OCM: variants seen among roughly 807,000 people sequenced by gnomAD.
OCM encodes the protein oncomodulin-1.
OCM carries 18 observed loss-of-function variants against 14.1 expected under a neutral mutation model. The ratio of observed to expected loss-of-function variants is 1.28; its 90% confidence interval spans 0.88 to 1.89. OCM has a LOEUF of 1.89. Among genes scored for constraint, OCM ranks in the 40% most tolerant of loss-of-function variants. OCM has a pLI of 0.00. For missense variants in OCM, 140 were observed against 137.6 expected (o/e 1.02, Z -0.09); for synonymous variants, 48 against 51.0 (o/e 0.94, Z 0.25).
the OCM span, among the ~76,000 whole-genome samples, chr7:5,866,776 C>G: frequency 3.3e-5 from 5 of 152,044 alleles, no homozygotes; most frequent in Admixed American, 2.0e-4. Context: ...TAAATTTCCC[C>G]TCCCTGTCTA....
At chr7:5,884,332 G>A (rs1269698217) in intron 3 of OCM, among the ~76,000 whole-genome samples, 1 of 152,130 alleles carries the variant, frequency 6.6e-6, no homozygotes, top group African/African-American at 2.4e-5. Flanking sequence ...AAAGCGCGAG[G>A]TATTTCTACC....
upstream of OCM, chr7:5,880,699 C>A (rs1010843318): frequency 2.9e-5 from 15 of 517,720 alleles, no homozygotes; most frequent in Non-Finnish European, 4.8e-5. Context: ...GCGGAGGTTG[C>A]GGTGAGCCGA....
the OCM span, among the ~76,000 whole-genome samples, chr7:5,874,059 T>TAA: frequency 4.4e-4 from 58 of 131,878 alleles, no homozygotes; most frequent in South Asian, 1.8e-3. Context: ...CTACTAAAAA[T>TAA]AAAAAAAAAA....
intron 3 of OCM, among the ~76,000 whole-genome samples, chr7:5,884,866 T>C (rs1381532096): frequency 6.6e-6 from 1 of 152,134 alleles, no homozygotes; most frequent in Admixed American, 6.6e-5. Context: ...AGGCCTATAA[T>C]CCCAGCAATT....
chr7:5,860,475 G>T, the OCM span, among the ~76,000 whole-genome samples: 1 of 35,566 alleles, frequency 2.8e-5, no homozygotes, highest in Non-Finnish European at 4.4e-5. Flanking sequence ...GTATATATAC[G>T]TGTATATATA....
At chr7:5,865,272 C>G in the OCM span, among the ~76,000 whole-genome samples, 1 of 152,284 alleles carries the variant, frequency 6.6e-6, no homozygotes, top group Admixed American at 6.5e-5. Context: ...TATTAAGCGC[C>G]TGGGTGTGGT....
chr7:5,862,620 A>G, the OCM span, among the ~76,000 whole-genome samples: 1 of 152,246 alleles, frequency 6.6e-6, no homozygotes, highest in African/African-American at 2.4e-5. Context: ...TATGTTATGT[A>G]AAATGCAGAT....
At chr7:5,863,647 A>G in the OCM span, among the ~76,000 whole-genome samples, 1 of 150,898 alleles carries the variant, frequency 6.6e-6, no homozygotes, top group Non-Finnish European at 1.5e-5. Context: ...ATTCTCCTGC[A>G]TCAGCCTTCC....
the OCM span, among the ~76,000 whole-genome samples, chr7:5,865,676 C>T: frequency 2.6e-5 from 4 of 152,158 alleles, no homozygotes; most frequent in Non-Finnish European, 5.9e-5. Flanking sequence ...CATGAATCAC[C>T]TCTAGCGATG....
At chr7:5,860,845 CATACAT>C in the OCM span, among the ~76,000 whole-genome samples, 81 of 138,292 alleles carry the variant, frequency 5.9e-4, 1 homozygote, top group African/African-American at 1.4e-3. Context: ...CATATATACA[CATACAT>C]ATACATATAC....
upstream of OCM, among the ~76,000 whole-genome samples, chr7:5,877,554 C>T (rs1344478089): frequency 6.6e-6 from 1 of 151,032 alleles, no homozygotes; most frequent in Non-Finnish European, 1.5e-5. Context: ...CCCGGCTGCT[C>T]ACATCTGTAA....
chr7:5,860,767 T>C, the OCM span, among the ~76,000 whole-genome samples: 17 of 144,872 alleles, frequency 1.2e-4, no homozygotes, highest in Admixed American at 5.6e-4. Context: ...TATATATATA[T>C]TCGTATATAT....
At chr7:5,874,146 C>A in the OCM span, among the ~76,000 whole-genome samples, 1 of 140,702 alleles carries the variant, frequency 7.1e-6, no homozygotes, top group Non-Finnish European at 1.5e-5. Context: ...ATCTCGTGAA[C>A]CTCGGAGGTG....
the OCM span, among the ~76,000 whole-genome samples, chr7:5,867,584 CCCT>C: frequency 6.6e-6 from 1 of 152,000 alleles, no homozygotes; most frequent in Admixed American, 6.6e-5. Flanking sequence ...TTTTTCTGGT[CCCT>C]CCTCTTTCTC....
chr7:5,864,339 C>T, the OCM span, among the ~76,000 whole-genome samples: 29 of 136,514 alleles, frequency 2.1e-4, no homozygotes, highest in African/African-American at 8.3e-4. Context: ...AGGGGGAGAC[C>T]TTGTCTCAAA....
At chr7:5,879,245 A>G (rs1781159468), upstream of OCM, among the ~76,000 whole-genome samples, 1 of 152,176 alleles carries the variant, frequency 6.6e-6, no homozygotes, top group African/African-American at 2.4e-5. Context: ...CCTCAGCCTC[A>G]GAATATTTGT....
At chr7:5,867,524 G>C in the OCM span, among the ~76,000 whole-genome samples, 1 of 151,808 alleles carries the variant, frequency 6.6e-6, no homozygotes, top group African/African-American at 2.4e-5. Flanking sequence ...AGCTTCTTGA[G>C]CCTGCTTTCA....
chr7:5,872,656 T>TA, the OCM span, among the ~76,000 whole-genome samples: 1 of 152,178 alleles, frequency 6.6e-6, no homozygotes, highest in East Asian at 1.9e-4. Context: ...TGTGCTTTGT[T>TA]ACACAGATGC....
upstream of OCM, among the ~76,000 whole-genome samples, chr7:5,875,779 A>T (rs529226367): frequency 6.6e-6 from 1 of 152,106 alleles, no homozygotes; most frequent in Admixed American, 6.6e-5. Flanking sequence ...GCTAGTTTCT[A>T]TGGCAACTTA....
Sources: gnomAD v4.1 joint callset for allele counts (sites outside exome capture counted in the v4.1 genomes callset) on GRCh38, gnomAD v4.1.1 for gene constraint, MANE v1.5 for transcripts, NCBI Gene and HGNC (gene_info 2026-07-23, HGNC 2026-07-21) for gene names.